Variants in ADGRB3 observed in about 807,000 individuals in gnomAD.
ADGRB3 encodes brain-specific angiogenesis inhibitor 3.
In ADGRB3, 37 loss-of-function variants were observed where a neutral mutation model predicts 193.4. The ratio of observed to expected loss-of-function variants is 0.19; its 90% confidence interval spans 0.15 to 0.25. ADGRB3 has a LOEUF of 0.25. ADGRB3 is among the 10% of genes least tolerant of loss of function. The probability of loss-of-function intolerance (pLI) is 1.00; values close to 1 mark genes in which losing one functional copy is unlikely to be tolerated. For missense variants in ADGRB3, 1,637 were observed against 1,852.9 expected (o/e 0.88, Z 2.14); for synonymous variants, 690 against 644.2 (o/e 1.07, Z -1.08).
chr6:69,239,259 G>A (rs761372937), intron 20 of ADGRB3, 33 bp downstream of exon 20: 1 of 1,418,392 alleles, frequency 7.1e-7, no homozygotes, highest in South Asian at 1.2e-5. Context: ...TTCTTTTTTT[G>A]TGTTTATATT....
intron 3 of ADGRB3, among the ~76,000 whole-genome samples, chr6:68,679,944 G>A (rs12194992): frequency 0.27 from 41,520 of 151,916 alleles, 6,364 homozygotes; most frequent in Non-Finnish European, 0.35. Context: ...TAATCCCAAC[G>A]GAAGGTATTA....
At chr6:69,069,355 C>T (rs929047983) in intron 16 of ADGRB3, among the ~76,000 whole-genome samples, 1 of 151,568 alleles carries the variant, frequency 6.6e-6, no homozygotes, top group Non-Finnish European at 1.5e-5. Context: ...CAACTATTAG[C>T]GGACTGTGAT....
intron 3 of ADGRB3, among the ~76,000 whole-genome samples, chr6:68,817,311 A>G (rs1335364116): frequency 2.0e-3 from 12 of 6,140 alleles, no homozygotes; most frequent in East Asian, 0.018. Context: ...GTCCATGTAT[A>G]TATATATATA....
At chr6:68,807,134 A>G (rs978492779) in intron 3 of ADGRB3, among the ~76,000 whole-genome samples, 1 of 151,940 alleles carries the variant, frequency 6.6e-6, no homozygotes, top group African/African-American at 2.4e-5. Context: ...GTAAAGCCCA[A>G]TTTTAGTTAT....
chr6:69,350,772 TTA>T (rs1342407211), intron 26 of ADGRB3, among the ~76,000 whole-genome samples: 2 of 151,684 alleles, frequency 1.3e-5, no homozygotes, highest in Admixed American at 1.3e-4. Context: ...TTATTTTATT[TTA>T]TTTTTTTTAT....
chr6:69,117,028 A>AT (rs1297604983), intron 17 of ADGRB3, among the ~76,000 whole-genome samples: 2 of 152,208 alleles, frequency 1.3e-5, no homozygotes, highest in African/African-American at 4.8e-5. Context: ...TCCAACTATT[A>AT]TTTTTTGTCT....
intron 3 of ADGRB3, among the ~76,000 whole-genome samples, chr6:68,640,322 A>G (rs1768056139): frequency 6.6e-6 from 1 of 152,240 alleles, no homozygotes; most frequent in African/African-American, 2.4e-5. Context: ...AAGAAAGTAC[A>G]GGAATGATTT....
chr6:68,857,418 C>G (rs905803774), intron 3 of ADGRB3, among the ~76,000 whole-genome samples: 1 of 152,184 alleles, frequency 6.6e-6, no homozygotes, highest in African/African-American at 2.4e-5. Flanking sequence ...TGTGAACCTG[C>G]CTCTTGCATC....
chr6:69,043,052 A>G lies in ADGRB3; in HGVS notation c.2108-5133A>G, dbSNP rs969023674. 5.3e-5 allele frequency among the ~76,000 whole-genome samples: 8 copies of G among 152,054 alleles called. No individual in the cohort carries two copies. The East Asian group carries it at 1.5e-3, about 29-fold the overall frequency. ...GCAATCCTTTTGAAATGCTCTTTGC[A>G]GTTTATGGTCTTGGCTGCAGTGGAA... On this transcript the variant is annotated intron_variant, in intron 13 of 31. Transcript: ENST00000370598.
intron 17 of ADGRB3, among the ~76,000 whole-genome samples, chr6:69,086,526 C>A (rs1772555614): frequency 6.6e-6 from 1 of 152,056 alleles, no homozygotes; most frequent in African/African-American, 2.4e-5. Flanking sequence ...TCATTATAAT[C>A]TTTAGCAGTG....
At chr6:68,952,357 G>A (rs925890550) in intron 6 of ADGRB3, among the ~76,000 whole-genome samples, 2 of 151,974 alleles carry the variant, frequency 1.3e-5, no homozygotes, top group African/African-American at 4.8e-5. Flanking sequence ...ATATGTATGT[G>A]TGTGTATATA....
At chr6:69,346,658 G>A (rs993845013) in intron 26 of ADGRB3, among the ~76,000 whole-genome samples, 33 of 152,240 alleles carry the variant, frequency 2.2e-4, no homozygotes, top group African/African-American at 6.7e-4. Context: ...GTGAGATACC[G>A]TCTCATGCCA....
intron 13 of ADGRB3, among the ~76,000 whole-genome samples, chr6:69,035,559 G>A (rs781323624): frequency 2.6e-5 from 4 of 152,072 alleles, no homozygotes; most frequent in Non-Finnish European, 5.9e-5. Flanking sequence ...CCAGGATGGG[G>A]AGACCCTGAA....
At chr6:69,126,817 C>G (rs1283815108) in intron 17 of ADGRB3, among the ~76,000 whole-genome samples, 1 of 152,180 alleles carries the variant, frequency 6.6e-6, no homozygotes, top group Non-Finnish European at 1.5e-5. Flanking sequence ...CTTTCCAACT[C>G]TAAGCCGAAT....
chr6:68,775,616 A>C (rs2127358608), intron 3 of ADGRB3, among the ~76,000 whole-genome samples: 1 of 152,174 alleles, frequency 6.6e-6, no homozygotes, highest in African/African-American at 2.4e-5. Context: ...TAGGGTAGGA[A>C]CCCTGCAACT....
chr6:69,140,788 C>A (rs887721343), intron 17 of ADGRB3, among the ~76,000 whole-genome samples: 1 of 151,552 alleles, frequency 6.6e-6, no homozygotes, highest in Admixed American at 6.6e-5. Context: ...CTACTATGTA[C>A]CCACAAAAAA....
chr6:68,874,231 T>G (rs1765530638), intron 3 of ADGRB3, among the ~76,000 whole-genome samples: 1 of 152,148 alleles, frequency 6.6e-6, no homozygotes, highest in Non-Finnish European at 1.5e-5. Flanking sequence ...AATGCACGAT[T>G]TTGCATATTA....
At chr6:68,798,525 G>A (rs1445184158) in intron 3 of ADGRB3, among the ~76,000 whole-genome samples, 2 of 149,006 alleles carry the variant, frequency 1.3e-5, no homozygotes, top group South Asian at 2.1e-4. Context: ...ACACAGTGGG[G>A]CCTGTCAGGG....
At chr6:69,042,491 A>G (rs1771100745) in intron 13 of ADGRB3, among the ~76,000 whole-genome samples, 1 of 152,166 alleles carries the variant, frequency 6.6e-6, no homozygotes, top group Admixed American at 6.5e-5. Context: ...GGTACTTAGC[A>G]TTGCTATGTA....
Sources: gnomAD v4.1 joint callset for allele counts (sites outside exome capture counted in the v4.1 genomes callset) on GRCh38, gnomAD v4.1.1 for gene constraint, MANE v1.5 for transcripts, NCBI Gene and HGNC (gene_info 2026-07-23, HGNC 2026-07-21) for gene names.